The following SOX5 variants were observed in gnomAD, a reference collection of about 807,000 sequenced individuals.
The protein encoded by SOX5 is SRY-box transcription factor 5, also known as transcription factor SOX-5.
Under a neutral mutation model 92.0 loss-of-function variants are expected in SOX5, and 9 were observed. The observed-to-expected ratio is 0.10, with a 90% CI of 0.06 to 0.17. The LOEUF is 0.17. SOX5 is among the 10% of genes least tolerant of loss of function. SOX5 has a pLI of 1.00. For missense variants in SOX5, 642 were observed against 944.5 expected (o/e 0.68, Z 4.20); for synonymous variants, 344 against 336.3 (o/e 1.02, Z -0.25).
chr12:23,798,625 C>G (rs1042257964), intron 3 of SOX5, among the ~76,000 whole-genome samples: 2 of 149,564 alleles, frequency 1.3e-5, no homozygotes, highest in African/African-American at 2.4e-5. Context: ...AACCAGTTCT[C>G]TCTTACAACA....
At chr12:23,802,064 TTTTCTTTC>T (rs1193878575) in intron 3 of SOX5, among the ~76,000 whole-genome samples, 3 of 152,000 alleles carry the variant, frequency 2.0e-5, no homozygotes, top group Non-Finnish European at 4.4e-5. Context: ...ATTCTTTTCT[TTTTCTTTC>T]TTTCTTTCTT....
At chr12:24,196,185 C>G (rs1318442608) in intron 4 of SOX5, among the ~76,000 whole-genome samples, 1 of 152,162 alleles carries the variant, frequency 6.6e-6, no homozygotes, top group African/African-American at 2.4e-5. Flanking sequence ...ACGCCTGGCC[C>G]ATTAACTGTG....
intron 9 of SOX5, among the ~76,000 whole-genome samples, chr12:23,600,993 T>G (rs11608710): frequency 0.05 from 7,544 of 152,154 alleles, 269 homozygotes; most frequent in Middle Eastern, 0.095. Flanking sequence ...CTTGTTCTTT[T>G]ATTACAACTG....
intron 7 of SOX5, among the ~76,000 whole-genome samples, chr12:23,651,116 C>T (rs1033995186): frequency 3.3e-5 from 5 of 151,860 alleles, no homozygotes; most frequent in Non-Finnish European, 5.9e-5. Flanking sequence ...ATTCCCTCAT[C>T]GTTTTTGAAT....
At chr12:23,898,048 A>G (rs139621787) in intron 1 of SOX5, among the ~76,000 whole-genome samples, 76 of 152,304 alleles carry the variant, frequency 5.0e-4, no homozygotes, top group African/African-American at 1.7e-3. Flanking sequence ...TTGATATATT[A>G]CATAATAACA....
At chr12:23,788,258 C>T (rs2095415382) in intron 3 of SOX5, among the ~76,000 whole-genome samples, 1 of 151,636 alleles carries the variant, frequency 6.6e-6, no homozygotes, top group African/African-American at 2.4e-5. Context: ...AAATGTAAAC[C>T]TAAGGTTTAG....
In SOX5 at chr12:24,152,662, C is replaced by A. The variant is rs61592270; in HGVS notation, c.-2+60681G>T. 2.9e-3 allele frequency among the ~76,000 whole-genome samples: 446 copies of A among 152,034 alleles called. 2 individuals carry two copies. Among genetic ancestry groups the A allele is most frequent in the African/African-American group, 0.01 (425 of 41,472 alleles). Reference sequence around the variant, plus strand: ...GAACACATTCGATTTATTGTTGTTACCATAGTTGTTCTGTTTTTGAAAAAA... The same window carrying A: ...GAACACATTCGATTTATTGTTGTTAACATAGTTGTTCTGTTTTTGAAAAAA... On this transcript the variant is annotated intron_variant, in intron 4 of 4. Transcript: ENST00000446891.
chr12:23,613,747 A>T (rs762347079), intron 8 of SOX5, among the ~76,000 whole-genome samples: 6 of 152,224 alleles, frequency 3.9e-5, no homozygotes, highest in Non-Finnish European at 5.9e-5. Flanking sequence ...ATGCTATGCT[A>T]AGCAAATAAG....
At chr12:24,188,789 C>G (rs1956252367) in intron 4 of SOX5, among the ~76,000 whole-genome samples, 3 of 152,078 alleles carry the variant, frequency 2.0e-5, no homozygotes, top group African/African-American at 7.2e-5. Context: ...GAAGATTAAT[C>G]CATTTCTACT....
intron 1 of SOX5, among the ~76,000 whole-genome samples, chr12:24,555,905 C>G (rs754981430): frequency 2.0e-5 from 3 of 152,198 alleles, no homozygotes; most frequent in Non-Finnish European, 4.4e-5. Flanking sequence ...AACTGCTTCC[C>G]CTATGGCTCT....
intron 1 of SOX5, among the ~76,000 whole-genome samples, chr12:24,533,049 C>A (rs1236140207): frequency 6.6e-6 from 1 of 152,170 alleles, no homozygotes; most frequent in Non-Finnish European, 1.5e-5. Flanking sequence ...CAATGAATTT[C>A]TAACTTTTCA....
intron 6 of SOX5, among the ~76,000 whole-genome samples, chr12:23,717,313 G>T (rs186205139): frequency 5.3e-4 from 81 of 152,154 alleles, no homozygotes; most frequent in African/African-American, 2.0e-3. Flanking sequence ...AGTTGTGTTG[G>T]TTACACACAT....
rs974675601 is a variant in SOX5 at position 24,420,128 on chromosome 12, C to A, written c.-250-51489G>T. Among the ~76,000 whole-genome samples, 9 of 152,266 alleles carry A rather than the reference C, an allele frequency of 5.9e-5. No homozygotes were observed. In the East Asian group the frequency reaches 1.2e-3, roughly 20 times the overall value. ...CATGTACTAACATGATTTTAAATAC[C>A]TTTATTTTGACAGGAAATTTGATAG... On this transcript the variant is annotated intron_variant, in intron 1 of 4. Transcript: ENST00000446891.
chr12:24,065,388 C>T (rs1167387932), intron 4 of SOX5, among the ~76,000 whole-genome samples: 2 of 152,066 alleles, frequency 1.3e-5, no homozygotes, highest in East Asian at 3.9e-4. Flanking sequence ...GTGGCTCATG[C>T]CATTAATCCC....
chr12:23,621,208 A>T (rs776206928), intron 8 of SOX5, among the ~76,000 whole-genome samples: 1 of 152,128 alleles, frequency 6.6e-6, no homozygotes, highest in Admixed American at 6.6e-5. Context: ...TAAATGACAT[A>T]AACCAGACAC....
At chr12:24,342,843 G>A (rs1268024926) in intron 2 of SOX5, among the ~76,000 whole-genome samples, 2 of 152,150 alleles carry the variant, frequency 1.3e-5, no homozygotes, top group Non-Finnish European at 2.9e-5. Flanking sequence ...TAGAATAAAG[G>A]GCGAAATGGT....
rs79057017 is a variant in SOX5 at position 23,789,100 on chromosome 12, G to A, written c.482-33376C>T. ...TCTCCAGAACTGATATAAGAAATATGTATGGGCAAGAGCACACAGAAAAGA... is the reference window on the plus strand; with the variant it reads ...TCTCCAGAACTGATATAAGAAATATATATGGGCAAGAGCACACAGAAAAGA... On this transcript the variant is annotated intron_variant, in intron 3 of 14. Coordinates refer to ENST00000451604, the MANE Select transcript of SOX5 (RefSeq NM_006940.6). 8.3e-3 allele frequency among the ~76,000 whole-genome samples: 1,263 copies of A among 151,920 alleles called. 9 individuals carry two copies. The highest frequency in any genetic ancestry group is 0.027 in the Middle Eastern group (8 of 294).
chr12:24,268,318 A>T (rs1943272204), intron 3 of SOX5, among the ~76,000 whole-genome samples: 1 of 152,192 alleles, frequency 6.6e-6, no homozygotes, highest in Non-Finnish European at 1.5e-5. Flanking sequence ...GAAAAAAATT[A>T]TAAGGGTATG....
intron 10 of SOX5, among the ~76,000 whole-genome samples, chr12:23,569,756 T>C (rs1001974702): frequency 3.9e-5 from 6 of 152,250 alleles, no homozygotes; most frequent in African/African-American, 1.4e-4. Context: ...TATTCAAACA[T>C]CACCCCTTCT....
Sources: gnomAD v4.1 joint callset for allele counts (sites outside exome capture counted in the v4.1 genomes callset) on GRCh38, gnomAD v4.1.1 for gene constraint, MANE v1.5 for transcripts, NCBI Gene and HGNC (gene_info 2026-07-23, HGNC 2026-07-21) for gene names.